The following ONECUT1 variants were observed in gnomAD, a reference collection of about 807,000 sequenced individuals.
ONECUT1 encodes the protein one cut homeobox 1.
A neutral mutation model predicts 25.6 loss-of-function variants in ONECUT1; 12 were observed. The observed-to-expected ratio is 0.47, with a 90% confidence interval of 0.30 to 0.76. The LOEUF (loss-of-function observed/expected upper bound fraction) is 0.76. Among genes scored for constraint, ONECUT1 ranks in the 30% least tolerant of loss-of-function variants. The pLI, the probability that ONECUT1 is intolerant of heterozygous loss-of-function variation, is 0.07. For missense variants in ONECUT1, 620 were observed against 651.2 expected (o/e 0.95, Z 0.52); for synonymous variants, 285 against 270.2 (o/e 1.05, Z -0.54).
chr15:52,775,039 T>C lies in ONECUT1; in HGVS notation c.1105+13741A>G, dbSNP rs139160477. On this transcript the variant is annotated intron_variant, in intron 1 of 1. Coordinates refer to ENST00000305901, the MANE Select transcript of ONECUT1 (RefSeq NM_004498.4). Reference sequence around the variant, plus strand: ...ACTCTGTCTCTACTGAAAATACAAATTGTAGCCTGGTGCAGTGGTACACAC... The same window carrying C: ...ACTCTGTCTCTACTGAAAATACAAACTGTAGCCTGGTGCAGTGGTACACAC... Among the ~76,000 whole-genome samples, 85 of 152,030 alleles carry C rather than the reference T, an allele frequency of 5.6e-4. 1 individual carries two copies. Among genetic ancestry groups the C allele is most frequent in the Admixed American group, 1.6e-3 (24 of 15,272 alleles).
chr15:52,775,054 G>T lies in ONECUT1; in HGVS notation c.1105+13726C>A, dbSNP rs114532160. On this transcript the variant is annotated intron_variant, in intron 1 of 1. Coordinates refer to ENST00000305901, the MANE Select transcript of ONECUT1 (RefSeq NM_004498.4). ...AAAATACAAATTGTAGCCTGGTGCA[G>T]TGGTACACACCTGTAATCCCAGCTA... is the stretch of plus-strand genomic sequence containing the variant. 9.0e-3 allele frequency among the ~76,000 whole-genome samples: 1,369 copies of T among 152,222 alleles called. 25 individuals carry two copies. The highest frequency in any genetic ancestry group is 0.032 in the African/African-American group (1,335 of 41,516).
At chr15:52,774,120 G>GACAC (rs771577331) in intron 1 of ONECUT1, among the ~76,000 whole-genome samples, 1 of 82,882 alleles carries the variant, frequency 1.2e-5, no homozygotes, top group African/African-American at 5.1e-5. Context: ...AGATTGGAAG[G>GACAC]ATACACACAC....
intron 1 of ONECUT1, among the ~76,000 whole-genome samples, chr15:52,768,271 A>G (rs1001883315): frequency 3.3e-5 from 5 of 152,224 alleles, no homozygotes; most frequent in Non-Finnish European, 7.3e-5. Flanking sequence ...ATCATTACAC[A>G]TTGTCTGCTT....
Position 52,777,735 on chromosome 15 carries a change from C to CA in ONECUT1, c.1105+11044dup, listed in dbSNP as rs1339746053. On this transcript the variant is annotated intron_variant, in intron 1 of 1. Coordinates refer to ENST00000305901, the MANE Select transcript of ONECUT1 (RefSeq NM_004498.4). ...ACACACACACACACACACACACACA[C>CA]ACAAAAAAACATGTAAAGTTATTTG... Among the ~76,000 whole-genome samples the CA allele has an allele frequency of 2.1e-4, 19 of 90,942 alleles. 1 individual carries two copies. Among genetic ancestry groups the CA allele is most frequent in the African/African-American group, 1.3e-3 (17 of 13,432 alleles). The allele number at this position is 90,942 out of a possible 152,430, so 59.7% of individuals were successfully genotyped here. A position where few individuals can be genotyped will look rare whatever the true frequency, so the allele number is the denominator to read the frequency against.
chr15:52,762,598 T>A (rs1181552802), intron 1 of ONECUT1, among the ~76,000 whole-genome samples: 1 of 152,160 alleles, frequency 6.6e-6, no homozygotes, highest in African/African-American at 2.4e-5. Context: ...GCTCTGTATC[T>A]CCAGGACGCC....
At chr15:52,776,819 A>G (rs2083804229) in intron 1 of ONECUT1, among the ~76,000 whole-genome samples, 2 of 152,180 alleles carry the variant, frequency 1.3e-5, no homozygotes, top group South Asian at 4.1e-4. Flanking sequence ...GAGGCACCCG[A>G]TCAGTGTTTG....
chr15:52,773,940 G>A (rs2083783794), intron 1 of ONECUT1, among the ~76,000 whole-genome samples: 1 of 152,120 alleles, frequency 6.6e-6, no homozygotes, highest in African/African-American at 2.4e-5. Context: ...ATAAATGAAT[G>A]CTATTCATGA....
At chr15:52,777,975 G>A (rs2083815118) in intron 1 of ONECUT1, among the ~76,000 whole-genome samples, 1 of 152,088 alleles carries the variant, frequency 6.6e-6, no homozygotes, top group African/African-American at 2.4e-5. Context: ...ATTTAGTATG[G>A]GGCTAGAACC....
intron 1 of ONECUT1, among the ~76,000 whole-genome samples, chr15:52,786,644 C>A (rs1316039193): frequency 5.9e-5 from 9 of 152,214 alleles, no homozygotes; most frequent in Admixed American, 5.9e-4. Flanking sequence ...AGGCTCCCTC[C>A]CCCTCCACAG....
At chr15:52,758,074 A>G (rs2083684759) in intron 1 of ONECUT1, among the ~76,000 whole-genome samples, 1 of 152,138 alleles carries the variant, frequency 6.6e-6, no homozygotes, top group Non-Finnish European at 1.5e-5. Context: ...GGCTTTGATG[A>G]GTATTTGCTC....
intron 1 of ONECUT1, among the ~76,000 whole-genome samples, chr15:52,766,235 CTTT>C (rs76480336): frequency 2.8e-5 from 4 of 143,204 alleles, no homozygotes; most frequent in African/African-American, 5.2e-5. Context: ...GGTATTCTTC[CTTT>C]TTTTTTTTTT....
In ONECUT1 at chr15:52,756,972, A is replaced by G. The variant is rs1288742151; in HGVS notation, c.*583T>C. The G allele has an allele frequency of 2.6e-5, 4 of 152,282 alleles. No homozygotes were observed. Among genetic ancestry groups the G allele is most frequent in the African/African-American group, 9.7e-5 (4 of 41,418 alleles). The allele number at this position is 152,282 out of a possible 1,614,324, so 9.4% of individuals were successfully genotyped here. Reference sequence around the variant, plus strand: ...ATGCACTGGTTTAGGTGTCATTCAAATTTTCTTTGCTGGGTTTGAATCTGC... The same window carrying G: ...ATGCACTGGTTTAGGTGTCATTCAAGTTTTCTTTGCTGGGTTTGAATCTGC... On this transcript the variant is annotated 3_prime_UTR_variant, in exon 2 of 2. Transcript: ENST00000305901.
chr15:52,770,068 G>C (rs910724378), intron 1 of ONECUT1, among the ~76,000 whole-genome samples: 5 of 152,184 alleles, frequency 3.3e-5, no homozygotes, highest in Non-Finnish European at 7.3e-5. Flanking sequence ...CAAGCCATTG[G>C]GCTTTTTGAG....
intron 1 of ONECUT1, among the ~76,000 whole-genome samples, chr15:52,770,247 C>T (rs1335059831): frequency 6.6e-6 from 1 of 152,196 alleles, no homozygotes; most frequent in Non-Finnish European, 1.5e-5. Context: ...TAAAAGCACT[C>T]GTGCCTGGGA....
At chr15:52,774,499 C>T (rs1183909440) in intron 1 of ONECUT1, among the ~76,000 whole-genome samples, 1 of 152,072 alleles carries the variant, frequency 6.6e-6, no homozygotes, top group African/African-American at 2.4e-5. Context: ...GGGGTTTCAC[C>T]ATGTTGCTTA....
rs537603429 is a variant in ONECUT1, at chr15:52,777,832, G to A, written c.1105+10948C>T. 6.6e-5 allele frequency among the ~76,000 whole-genome samples: 10 copies of A among 152,104 alleles called. No individual in the cohort carries two copies. In the South Asian group the frequency reaches 8.3e-4, roughly 13 times the overall value. Reference sequence around the variant, plus strand: ...ACATTCCATTCCCGGTCCTGAGCACGGAACTTGCTACAGCAGGTGCTCAAA... The same window carrying A: ...ACATTCCATTCCCGGTCCTGAGCACAGAACTTGCTACAGCAGGTGCTCAAA... On this transcript the variant is annotated intron_variant, in intron 1 of 1. Coordinates refer to ENST00000305901, the MANE Select transcript of ONECUT1 (RefSeq NM_004498.4).
intron 1 of ONECUT1, among the ~76,000 whole-genome samples, chr15:52,771,094 C>G (rs1052517516): frequency 6.6e-6 from 1 of 152,092 alleles, no homozygotes; most frequent in African/African-American, 2.4e-5. Flanking sequence ...AGGCTATATT[C>G]AGGCAAGTGC....
intron 1 of ONECUT1, among the ~76,000 whole-genome samples, chr15:52,759,709 C>T (rs2083694386): frequency 6.6e-6 from 1 of 152,142 alleles, no homozygotes; most frequent in Non-Finnish European, 1.5e-5. Flanking sequence ...AAGCGATCCT[C>T]TCACCTCAGC....
chr15:52,776,219 G>C (rs2083799765), intron 1 of ONECUT1, among the ~76,000 whole-genome samples: 1 of 152,180 alleles, frequency 6.6e-6, no homozygotes, highest in Non-Finnish European at 1.5e-5. Context: ...AGAAGCCAGA[G>C]AGCCCACCTA....
Sources: gnomAD v4.1 joint callset for allele counts (sites outside exome capture counted in the v4.1 genomes callset) on GRCh38, gnomAD v4.1.1 for gene constraint, MANE v1.5 for transcripts, NCBI Gene and HGNC (gene_info 2026-07-23, HGNC 2026-07-21) for gene names.